TMC1: variants seen among roughly 807,000 people sequenced by gnomAD.
TMC1 encodes transmembrane channel-like protein 1.
Under a neutral mutation model 105.8 loss-of-function variants are expected in TMC1, and 84 were observed. The observed-to-expected ratio is 0.79, with a 90% CI of 0.67 to 0.95. The LOEUF (loss-of-function observed/expected upper bound fraction) is 0.95. Among genes scored for constraint, TMC1 ranks in the 40% least tolerant of loss-of-function variants. TMC1 has a pLI of 0.00. For missense variants in TMC1, 817 were observed against 914.1 expected (o/e 0.89, Z 1.37); for synonymous variants, 315 against 311.5 (o/e 1.01, Z -0.12).
chr9:72,778,366 T>C (rs1828037445), intron 13 of TMC1, among the ~76,000 whole-genome samples: 1 of 152,178 alleles, frequency 6.6e-6, no homozygotes, highest in African/African-American at 2.4e-5. Flanking sequence ...TGGAATGCTA[T>C]GCTCAGGAAT....
intron 19 of TMC1, among the ~76,000 whole-genome samples, chr9:72,817,993 G>A (rs569816642): frequency 4.7e-4 from 71 of 152,098 alleles, no homozygotes; most frequent in African/African-American, 1.6e-3. Flanking sequence ...TCACCTTCAC[G>A]TCAATGCTTG....
chr9:72,629,433 A>T (rs1825410204), intron 4 of TMC1, among the ~76,000 whole-genome samples: 1 of 152,150 alleles, frequency 6.6e-6, no homozygotes, highest in Non-Finnish European at 1.5e-5. Flanking sequence ...GAATCTAGAG[A>T]TCAAAGATAA....
chr9:72,640,004 T>C (rs1024295363), intron 4 of TMC1, among the ~76,000 whole-genome samples: 1 of 152,222 alleles, frequency 6.6e-6, no homozygotes, highest in African/African-American at 2.4e-5. Context: ...ATGCGACCAA[T>C]ATGTAGTATT....
chr9:72,585,880 C>T (rs1031281485), intron 2 of TMC1, among the ~76,000 whole-genome samples: 2 of 152,068 alleles, frequency 1.3e-5, no homozygotes, highest in African/African-American at 4.8e-5. Flanking sequence ...TCGTCATGCA[C>T]CCTGAGGCTT....
Position 72,837,264 on chromosome 9 carries a change from T to C in TMC1, c.*1291T>C, listed in dbSNP as rs1480195220. On this transcript the variant is annotated 3_prime_UTR_variant, in exon 24 of 24. Coordinates refer to ENST00000297784, the MANE Select transcript of TMC1 (RefSeq NM_138691.3). ...GCTTAGTGGGCATGCTTGAGCCCAC[T>C]TGCCCAACTCCTAAGATCTCCGGCT... The C allele has an allele frequency of 6.6e-6, 1 of 152,286 alleles. No individual in the cohort carries two copies. Among genetic ancestry groups the C allele is most frequent in the Non-Finnish European group, 1.5e-5 (1 of 68,064 alleles). The allele number at this position is 152,286 out of a possible 1,614,324, so 9.4% of individuals were successfully genotyped here. A position where few individuals can be genotyped will look rare whatever the true frequency, so the allele number is the denominator to read the frequency against.
intron 17 of TMC1, among the ~76,000 whole-genome samples, chr9:72,796,991 AAG>A (rs778319320): frequency 1.2e-4 from 18 of 152,116 alleles, no homozygotes; most frequent in Admixed American, 3.9e-4. Context: ...CCCGGCCCAA[AAG>A]CTTCTTAAGC....
At chr9:72,639,064 T>C (rs1036859445) in intron 4 of TMC1, among the ~76,000 whole-genome samples, 1 of 152,304 alleles carries the variant, frequency 6.6e-6, no homozygotes, top group African/African-American at 2.4e-5. Flanking sequence ...TTATTGTTTT[T>C]TTTAAAAAAC....
chr9:72,644,818 A>T (rs1184475208), intron 4 of TMC1, among the ~76,000 whole-genome samples: 4 of 152,206 alleles, frequency 2.6e-5, no homozygotes, highest in African/African-American at 9.6e-5. Flanking sequence ...CTTTTGCATC[A>T]AAGTAAATGT....
rs573202112 is a variant in TMC1 at position 72,784,302 on chromosome 9, C to T, written c.885-4037C>T. Among the ~76,000 whole-genome samples, 52 of 152,222 alleles carry T rather than the reference C, an allele frequency of 3.4e-4. No homozygotes were observed. The South Asian group carries it at 5.6e-3, about 16-fold the overall frequency. ...GACACTTCTCAAAAGAAGGCACACA[C>T]GGCCATTAAGCATATAAAGAATTAC... On this transcript the variant is annotated intron_variant, in intron 13 of 23. Coordinates refer to ENST00000297784, the MANE Select transcript of TMC1 (RefSeq NM_138691.3).
intron 19 of TMC1, among the ~76,000 whole-genome samples, chr9:72,817,463 G>C (rs900457002): frequency 6.6e-6 from 1 of 152,088 alleles, no homozygotes; most frequent in African/African-American, 2.4e-5. Flanking sequence ...AGCTTCTGTG[G>C]GTTCTGAGCT....
At chr9:72,770,562 G>A (rs757750847) in intron 12 of TMC1, among the ~76,000 whole-genome samples, 4 of 150,572 alleles carry the variant, frequency 2.7e-5, no homozygotes, top group Admixed American at 6.6e-5. Context: ...AGAATTACAG[G>A]TGTGAGTCAC....
chr9:72,578,352 C>T (rs1410717384), intron 2 of TMC1: 1 of 151,772 alleles, frequency 6.6e-6, no homozygotes, highest in African/African-American at 2.4e-5. Flanking sequence ...GCAGGTATGT[C>T]CATGTTATTA....
At chr9:72,767,028 C>T (rs552109841) in intron 12 of TMC1, among the ~76,000 whole-genome samples, 156 of 152,286 alleles carry the variant, frequency 1.0e-3, no homozygotes, top group African/African-American at 3.6e-3. Context: ...AGCCTTTTCA[C>T]TCCTTGTTTC....
chr9:72,806,073 C>T (rs1373865457), intron 18 of TMC1, among the ~76,000 whole-genome samples: 4 of 152,016 alleles, frequency 2.6e-5, no homozygotes, highest in Admixed American at 2.0e-4. Flanking sequence ...ACCTCCCAGA[C>T]GGGGTGGTGG....
intron 1 of TMC1, among the ~76,000 whole-genome samples, chr9:72,558,156 CTCTT>C (rs1823976347): frequency 6.6e-6 from 1 of 152,018 alleles, no homozygotes; most frequent in Non-Finnish European, 1.5e-5. Context: ...CTCTCTCTCT[CTCTT>C]TCTCTCTTTC....
chr9:72,556,693 G>A (rs1182826193), intron 1 of TMC1, among the ~76,000 whole-genome samples: 23 of 151,698 alleles, frequency 1.5e-4, no homozygotes, highest in African/African-American at 4.8e-4. Context: ...ATGGTGGTGC[G>A]TGCCTGTAAT....
chr9:72,745,878 C>T (rs539969505), intron 10 of TMC1, among the ~76,000 whole-genome samples: 3 of 152,278 alleles, frequency 2.0e-5, no homozygotes, highest in East Asian at 3.9e-4. Flanking sequence ...ACAATATCTA[C>T]AACATCTTGG....
intron 12 of TMC1, among the ~76,000 whole-genome samples, chr9:72,756,796 T>G (rs1156256213): frequency 1.3e-5 from 2 of 152,182 alleles, no homozygotes; most frequent in South Asian, 2.1e-4. Flanking sequence ...TGGAAAATTT[T>G]GGGCAAAAAT....
intron 12 of TMC1, among the ~76,000 whole-genome samples, chr9:72,761,877 G>T (rs1363374101): frequency 6.6e-6 from 1 of 152,136 alleles, no homozygotes; most frequent in Non-Finnish European, 1.5e-5. Context: ...TGATTCACAC[G>T]TGGAATAACA....
Sources: gnomAD v4.1 joint callset for allele counts (sites outside exome capture counted in the v4.1 genomes callset) on GRCh38, gnomAD v4.1.1 for gene constraint, MANE v1.5 for transcripts, NCBI Gene and HGNC (gene_info 2026-07-23, HGNC 2026-07-21) for gene names.